The following FGD3 variants were observed in gnomAD, a reference collection of about 807,000 sequenced individuals.
FGD3 encodes FYVE, RhoGEF and PH domain-containing protein 3.
FGD3 carries 45 observed loss-of-function variants against 71.8 expected under a neutral mutation model. That is an observed-to-expected ratio of 0.63 (90% CI 0.49 to 0.80). FGD3 has a LOEUF of 0.80. FGD3 is among the 30% of genes least tolerant of loss of function. The probability of loss-of-function intolerance (pLI) is 0.00; values close to 1 mark genes in which losing one functional copy is unlikely to be tolerated. For synonymous variants in FGD3, 378 were observed against 392.8 expected (o/e 0.96, Z 0.44); for missense variants, 844 against 951.5 (o/e 0.89, Z 1.49).
intron 15 of FGD3, 52 bp downstream of exon 15, chr9:93,030,048 C>T (rs780838361): frequency 1.0e-4 from 161 of 1,591,598 alleles, no homozygotes; most frequent in Non-Finnish European, 1.4e-4. Context: ...GTCCTCTGCT[C>T]TGACAGAGCA....
chr9:93,032,690 C>A, intron 15 of FGD3, 79 bp from the exon 16 acceptor site: 1 of 1,181,482 alleles, frequency 8.5e-7, no homozygotes, highest in Non-Finnish European at 1.2e-6. Flanking sequence ...ACCTCCCGCC[C>A]ACTCTACCTC....
chr9:93,014,012 C>G lies in FGD3; in HGVS notation c.1182+14C>G, dbSNP rs1392362978. ...CACCTCTTCCTGGTGAGCCTGGCCC[C>G]TGCCAGCCCAGCCGCAGAGCCTCCC... On this transcript the variant is annotated intron_variant, in intron 9 of 17. Coordinates refer to ENST00000375482, the MANE Select transcript of FGD3 (RefSeq NM_001083536.2). The G allele has an allele frequency of 6.3e-7, 1 of 1,594,840 alleles. No homozygotes were observed. Among genetic ancestry groups the G allele is most frequent in the Non-Finnish European group, 8.5e-7 (1 of 1,171,608 alleles).
At chr9:93,026,262 A>T (rs1035784234) in intron 14 of FGD3, among the ~76,000 whole-genome samples, 2 of 152,338 alleles carry the variant, frequency 1.3e-5, no homozygotes, top group African/African-American at 4.8e-5. Context: ...AGGAAGCCAC[A>T]GTTCTCCATG....
In FGD3 at chr9:93,003,947, AC is replaced by A; in HGVS notation, c.544-53del. On this transcript the variant is annotated intron_variant, in intron 4 of 17. Coordinates refer to ENST00000375482, the MANE Select transcript of FGD3 (RefSeq NM_001083536.2). This position sits in a 1 kb window ranked among gnomAD's most constrained non-coding sequence, Gnocchi z 4.1. ...CACCTGTGGCCGAAGCGGGGCGGCA[AC>A]TGTGCTCAGTGGAAGAGGCTCACTG... 6.2e-7 allele frequency: 1 copy of A among 1,605,672 alleles called. No individual in the cohort carries two copies. Among genetic ancestry groups the A allele is most frequent in the Admixed American group, 1.7e-5 (1 of 59,892 alleles).
chr9:92,975,569 C>T (rs183051265), intron 2 of FGD3, among the ~76,000 whole-genome samples, 164 bp downstream of exon 2: 1 of 152,210 alleles, frequency 6.6e-6, no homozygotes, highest in Non-Finnish European at 1.5e-5. Context: ...TTATAATTGA[C>T]ACTTGAATTT....
At chr9:92,996,409 A>C (rs1860645454) in intron 3 of FGD3, among the ~76,000 whole-genome samples, 1 of 151,586 alleles carries the variant, frequency 6.6e-6, no homozygotes, top group Non-Finnish European at 1.5e-5. Flanking sequence ...CATTTTGTTG[A>C]TCTTTTCAAA....
chr9:93,018,195 G>T lies in FGD3; in HGVS notation c.1335G>T (p.Arg445Ser). The change falls in exon 11 of 18, where the codon AGG becomes AGT. Residue 445 changes from arginine to serine, a missense_variant. Arg to Ser is a moderately radical substitution (Grantham distance 110). Transcript: ENST00000375482. ...AHTFIITGRK[R>S]SLELQTRTEE... ...CATTCATCATAACAGGAAGAAAAAG[G>T]TCCCTGGAGCTGCAGACGCGGTATG... 6.2e-7 allele frequency: 1 copy of T among 1,614,126 alleles called. No individual in the cohort carries two copies. Among genetic ancestry groups the T allele is most frequent in the Non-Finnish European group, 8.5e-7 (1 of 1,179,990 alleles).
chr9:93,010,424 A>C (rs775596285), intron 7 of FGD3, 40 bp downstream of exon 7: 4 of 1,563,702 alleles, frequency 2.6e-6, no homozygotes, highest in Non-Finnish European at 2.6e-6. Context: ...GTGCAGGGGC[A>C]CCTGCCAAGA....
intron 3 of FGD3, among the ~76,000 whole-genome samples, chr9:92,990,539 AG>A (rs2118643920): frequency 6.6e-6 from 1 of 152,290 alleles, no homozygotes; most frequent in South Asian, 2.1e-4. Flanking sequence ...GCATTCAGTA[AG>A]ATGTTAGCTG....
chr9:93,035,890 G>T lies in FGD3; in HGVS notation c.*301G>T. On this transcript the variant is annotated 3_prime_UTR_variant, in exon 18 of 18. Coordinates refer to ENST00000375482, the MANE Select transcript of FGD3 (RefSeq NM_001083536.2). ...ATGGGCCGTGTGGTGATGCTGGCCC[G>T]GAAGGCAGAAAGAGGCAGCATGGGC... 2.8e-6 allele frequency: 1 copy of T among 362,064 alleles called. No homozygotes were observed. 22.4% of individuals were successfully genotyped at this position (362,064 alleles called of 1,614,324 possible). A position where few individuals can be genotyped will look rare whatever the true frequency, so the allele number is the denominator to read the frequency against.
rs200904440 is a variant in FGD3 at position 93,005,981 on chromosome 9, A to G, written c.681-43A>G. On this transcript the variant is annotated intron_variant, in intron 5 of 17. Coordinates refer to ENST00000375482, the MANE Select transcript of FGD3 (RefSeq NM_001083536.2). ...CATGTCCACTAACCTCAGAGTCCCCATTGCACCCAGCTATTTCTCTGATGA... is the reference window on the plus strand; with the variant it reads ...CATGTCCACTAACCTCAGAGTCCCCGTTGCACCCAGCTATTTCTCTGATGA... 3.2e-4 allele frequency: 497 copies of G among 1,558,378 alleles called. 1 individual carries two copies. In the African/African-American group the frequency reaches 6.3e-3, roughly 20 times the overall value.
At chr9:93,010,130 C>T in intron 6 of FGD3, 116 bp from the exon 7 acceptor site, 1 of 1,252,678 alleles carries the variant, frequency 8.0e-7, no homozygotes, top group Non-Finnish European at 1.1e-6. Flanking sequence ...GAAGGACAGT[C>T]AGTTCTGGGC....
intron 3 of FGD3, among the ~76,000 whole-genome samples, chr9:93,000,870 T>C (rs369560271): frequency 1.2e-4 from 18 of 152,194 alleles, no homozygotes; most frequent in East Asian, 9.6e-4. Flanking sequence ...TTTCTGTAAA[T>C]AAACTCTTTG....
chr9:92,976,174 C>A, intron 2 of FGD3, 34 bp from the exon 3 acceptor site: 1 of 1,317,992 alleles, frequency 7.6e-7, no homozygotes, highest in Non-Finnish European at 1.0e-6. Context: ...CCATGCCTGG[C>A]TAGCACTGAC....
At chr9:93,019,805 A>C in intron 11 of FGD3, 26 bp from the exon 12 acceptor site, 1 of 1,611,694 alleles carries the variant, frequency 6.2e-7, no homozygotes, top group Non-Finnish European at 8.5e-7. Context: ...AGACTGGATT[A>C]ATACAAGACC....
chr9:92,994,990 G>GT (rs1587838350), intron 3 of FGD3, among the ~76,000 whole-genome samples: 1 of 152,184 alleles, frequency 6.6e-6, no homozygotes, highest in East Asian at 1.9e-4. Flanking sequence ...CTTTAAAGTA[G>GT]TTTTTTCCAA....
chr9:92,975,857 A>G (rs1472547660), intron 2 of FGD3, among the ~76,000 whole-genome samples: 2 of 152,230 alleles, frequency 1.3e-5, no homozygotes, highest in Non-Finnish European at 2.9e-5. Context: ...CGGATGCGCT[A>G]TAAACAGAAG....
chr9:92,973,823 TTCTC>T (rs968200786), intron 1 of FGD3, among the ~76,000 whole-genome samples: 9 of 152,064 alleles, frequency 5.9e-5, no homozygotes, highest in Admixed American at 3.3e-4. Flanking sequence ...GATCTCTGGG[TTCTC>T]TCTCTCTCTG....
At position 93,003,893 on chromosome 9, in the gene FGD3, T is replaced by A; in HGVS notation, c.544-108T>A. The A allele has an allele frequency of 7.7e-7, 1 of 1,306,002 alleles. No individual in the cohort carries two copies. The highest frequency in any genetic ancestry group is 2.3e-5 in the East Asian group (1 of 43,070). 80.9% of individuals were successfully genotyped at this position (1,306,002 alleles called of 1,614,324 possible). On this transcript the variant is annotated intron_variant, in intron 4 of 17. Coordinates refer to ENST00000375482, the MANE Select transcript of FGD3 (RefSeq NM_001083536.2). The surrounding 1 kb of genome is among the most constrained non-coding windows in gnomAD (Gnocchi z 4.1). ...TGAAATTCATTAAGAAAACACAAGGTGGCAGCAGCGGCCCCTCCCGAGCGC... is the reference window on the plus strand; with the variant it reads ...TGAAATTCATTAAGAAAACACAAGGAGGCAGCAGCGGCCCCTCCCGAGCGC...
Sources: gnomAD v4.1 joint callset for allele counts (sites outside exome capture counted in the v4.1 genomes callset) on GRCh38, gnomAD v4.1.1 for gene constraint, Gnocchi (gnomAD v3.1) non-coding constraint, MANE v1.5 for transcripts, NCBI Gene and HGNC (gene_info 2026-07-23, HGNC 2026-07-21) for gene names.